The following GPATCH8 variants were observed in gnomAD, a reference collection of about 807,000 sequenced individuals.
GPATCH8 encodes G patch domain-containing protein 8.
GPATCH8 carries 18 observed loss-of-function variants against 118.3 expected under a neutral mutation model. The ratio of observed to expected loss-of-function variants is 0.15; its 90% CI spans 0.11 to 0.23. The LOEUF is 0.23. Ranked by LOEUF, GPATCH8 falls within the 10% of genes least tolerant of loss-of-function variation. The probability of loss-of-function intolerance (pLI) is 1.00; values close to 1 mark genes in which losing one functional copy is unlikely to be tolerated. For missense variants in GPATCH8, 1,631 were observed against 1,873.8 expected, an observed-to-expected ratio of 0.87 and a Z score of 2.39; for synonymous variants, 659 against 684.7, an observed-to-expected ratio of 0.96 and a Z score of 0.59.
chr17:44,444,912 G>C (rs2144118544), intron 3 of GPATCH8, among the ~76,000 whole-genome samples: 1 of 152,316 alleles, frequency 6.6e-6, no homozygotes, highest in African/African-American at 2.4e-5. Context: ...CATGTTCGTA[G>C]CGGGTCTGAA....
At chr17:44,404,212 A>T (rs1305677085) in intron 7 of GPATCH8, among the ~76,000 whole-genome samples, 1 of 151,806 alleles carries the variant, frequency 6.6e-6, no homozygotes, top group Non-Finnish European at 1.5e-5. Flanking sequence ...ATCACAGCTC[A>T]CTGCAGCCTT....
chr17:44,398,031 A>G lies in GPATCH8; in HGVS notation c.4046T>C (p.Leu1349Pro). The G allele has an allele frequency of 6.2e-7, 1 of 1,613,950 alleles. No homozygotes were observed. The highest frequency in any genetic ancestry group is 8.5e-7 in the Non-Finnish European group (1 of 1,179,862). ...TTGCAGGGCTGGTGTGGCTGGGGCC[A>G]GGGCAGCTGAGGCTGGAAAGGCCTT... ...QVKAFPASAA[L>P]APATPALQPI... is the part of the protein sequence containing the mutation. Residue 1349 changes from leucine (L) to proline (P), a missense_variant, in exon 8 of 8, where the codon CTG (leucine) becomes CCG (proline). By Grantham distance (98) the Leu-to-Pro change is moderately conservative (BLOSUM62 -3). Around this residue, in one of 8 missense-constraint regions of GPATCH8, gnomAD observed 111 missense variants for 112.4 expected, o/e 0.99. Transcript: ENST00000591680.
chr17:44,503,052 C>T (rs1312760021), intron 1 of GPATCH8, among the ~76,000 whole-genome samples: 2 of 152,218 alleles, frequency 1.3e-5, no homozygotes, highest in East Asian at 3.9e-4. Flanking sequence ...CAGCCCCTCA[C>T]ACGGCGCTCA....
rs1598393519 is a variant in GPATCH8, at chr17:44,397,501, T to A, written c.*67A>T. 4 of 1,116,022 alleles carry A rather than the reference T, an allele frequency of 3.6e-6. No individual in the cohort carries two copies. The East Asian group carries it at 9.4e-5, about 26-fold the overall frequency. The allele number at this position is 1,116,022 out of a possible 1,614,324, so 69.1% of individuals were successfully genotyped here. The stretch of plus-strand genomic sequence containing the variant: ...GCTTCTACTTGCTGGTATTAATGGC[T>A]CAACACCCCCAAGGGAACATTTATG... On this transcript the variant is annotated 3_prime_UTR_variant, in exon 8 of 8. Transcript: ENST00000591680.
At chr17:44,439,027 G>A (rs778685204) in intron 3 of GPATCH8, among the ~76,000 whole-genome samples, 1 of 152,022 alleles carries the variant, frequency 6.6e-6, no homozygotes, top group Non-Finnish European at 1.5e-5. Context: ...ATTCATTCTC[G>A]TAAATCAGTA....
chr17:44,453,436 G>A (rs2051191623), intron 3 of GPATCH8, among the ~76,000 whole-genome samples: 1 of 150,548 alleles, frequency 6.6e-6, no homozygotes, highest in Admixed American at 6.7e-5. Context: ...GCATATATGA[G>A]ATTTGTGCCT....
chr17:44,464,276 T>A (rs1364637522), intron 3 of GPATCH8, among the ~76,000 whole-genome samples, 196 bp downstream of exon 3: 1 of 152,222 alleles, frequency 6.6e-6, no homozygotes, highest in Non-Finnish European at 1.5e-5. Context: ...AGCTTACTCT[T>A]GCAAATTACT....
Position 44,424,361 on chromosome 17 carries a change from A to G in GPATCH8, c.480T>C (p.His160=). 6.3e-7 allele frequency: 1 copy of G among 1,599,768 alleles called. No individual in the cohort carries two copies. The highest frequency in any genetic ancestry group is 1.1e-5 in the South Asian group (1 of 90,810). The change falls in exon 6 of 8, where the codon CAT becomes CAC. Residue 160 remains histidine, a synonymous_variant. Transcript: ENST00000591680. ...AACTACAACTCACCTGCTTGTGTGC[A>G]TGATCATAGGAGTTGATATGGTTAT... ...EFDNHINSYD[H]AHKQRLKDLK...
At chr17:44,421,764 T>C (rs571136499) in intron 6 of GPATCH8, among the ~76,000 whole-genome samples, 31 of 151,810 alleles carry the variant, frequency 2.0e-4, no homozygotes, top group African/African-American at 7.0e-4. Context: ...TCTTGCTCTG[T>C]CACCCAGGCT....
At chr17:44,452,574 T>C (rs918858106) in intron 3 of GPATCH8, among the ~76,000 whole-genome samples, 104 of 152,310 alleles carry the variant, frequency 6.8e-4, no homozygotes, top group African/African-American at 2.4e-3. Flanking sequence ...TTTCCACTAT[T>C]ACTCTTTCAA....
intron 3 of GPATCH8, among the ~76,000 whole-genome samples, chr17:44,453,086 C>G (rs999230284): frequency 1.3e-5 from 2 of 152,126 alleles, no homozygotes; most frequent in African/African-American, 4.8e-5. Flanking sequence ...CCCACATTGG[C>G]CTGCCAAAGT....
chr17:44,429,685 CA>C (rs1491257199), intron 5 of GPATCH8, among the ~76,000 whole-genome samples: 8 of 141,510 alleles, frequency 5.7e-5, no homozygotes, highest in South Asian at 4.6e-4. Flanking sequence ...CACACACACA[CA>C]AAACAACAAA....
At chr17:44,420,763 T>C (rs2049868593) in intron 6 of GPATCH8, among the ~76,000 whole-genome samples, 1 of 152,254 alleles carries the variant, frequency 6.6e-6, no homozygotes, top group South Asian at 2.1e-4. Flanking sequence ...ATGCTGTCAA[T>C]GTGAATTTTA....
intron 6 of GPATCH8, among the ~76,000 whole-genome samples, chr17:44,412,471 C>T (rs976836195): frequency 1.3e-5 from 2 of 152,102 alleles, no homozygotes; most frequent in African/African-American, 4.8e-5. Flanking sequence ...ACCACAACCT[C>T]CACCTCCTGA....
intron 2 of GPATCH8, among the ~76,000 whole-genome samples, chr17:44,469,004 T>C (rs1318019545): frequency 1.3e-5 from 2 of 152,154 alleles, no homozygotes; most frequent in African/African-American, 4.8e-5. Flanking sequence ...GGAAATGAAG[T>C]TCTTCTTCTA....
rs528464420 is a variant in GPATCH8, at chr17:44,474,802, C to T, written c.120+27G>A. On this transcript the variant is annotated intron_variant, in intron 2 of 7. Transcript: ENST00000591680. Reference sequence around the variant, plus strand: ...ACACTACCTAACTAACTAGCTAAGACCCGAAATTAAGCACTGATTATCTTA... The same window carrying T: ...ACACTACCTAACTAACTAGCTAAGATCCGAAATTAAGCACTGATTATCTTA... 8.1e-6 allele frequency: 10 copies of T among 1,227,872 alleles called. No homozygotes were observed. In the Admixed American group the frequency reaches 1.7e-4, roughly 21 times the overall value. The allele number at this position is 1,227,872 out of a possible 1,614,324, so 76.1% of individuals were successfully genotyped here.
At chr17:44,429,592 C>T (rs11079138) in intron 5 of GPATCH8, among the ~76,000 whole-genome samples, 80,790 of 148,818 alleles carry the variant, frequency 0.54, 22,411 homozygotes, top group Middle Eastern at 0.64. Context: ...GGTGGATCAC[C>T]TGAGGTCAGG....
rs57203975 is a variant in GPATCH8, at chr17:44,414,129, G to GTA, written c.493-8080_493-8079dup. Among the ~76,000 whole-genome samples the GTA allele has an allele frequency of 1.3e-3, 54 of 43,020 alleles. No homozygotes were observed. The South Asian group carries it at 0.017, about 14-fold the overall frequency. The allele number at this position is 43,020 out of a possible 152,430, so 28.2% of individuals were successfully genotyped here. ...TGTATATATATATGTATATATATGT[G>GTA]TATATATATATATGTGTATATATAT... is the stretch of plus-strand genomic sequence containing the variant. On this transcript the variant is annotated intron_variant, in intron 6 of 7. Coordinates refer to ENST00000591680, the MANE Select transcript of GPATCH8 (RefSeq NM_001002909.4).
At chr17:44,456,093 G>C (rs1267467658) in intron 3 of GPATCH8, among the ~76,000 whole-genome samples, 1 of 152,110 alleles carries the variant, frequency 6.6e-6, no homozygotes. Flanking sequence ...TATAGTGATT[G>C]ATTGAGACAG....
Sources: gnomAD v4.1 joint callset for allele counts (sites outside exome capture counted in the v4.1 genomes callset) on GRCh38, gnomAD v4.1.1 for gene constraint, gnomAD v4.1.1 regional missense constraint, MANE v1.5 for transcripts, NCBI Gene and HGNC (gene_info 2026-07-23, HGNC 2026-07-21) for gene names.